ADCY9: variants seen among roughly 807,000 people sequenced by gnomAD.
ADCY9 encodes the protein adenylate cyclase 9.
In ADCY9, 50 loss-of-function variants were observed where a neutral mutation model predicts 101.5. That is an observed-to-expected ratio of 0.49 (90% CI 0.39 to 0.62). The LOEUF is 0.62. ADCY9 is among the 20% of genes least tolerant of loss of function. The probability of loss-of-function intolerance (pLI) is 0.00; values close to 1 mark genes in which losing one functional copy is unlikely to be tolerated. For missense variants in ADCY9, 1,662 were observed against 1,800.4 expected (o/e 0.92, Z 1.39); for synonymous variants, 905 against 769.3 (o/e 1.18, Z -2.92).
downstream of ADCY9, among the ~76,000 whole-genome samples, chr16:3,961,643 G>C (rs1249077977): frequency 6.6e-6 from 1 of 152,166 alleles, no homozygotes; most frequent in Non-Finnish European, 1.5e-5. Context: ...ACCCCCGCAA[G>C]TCCATGAGCA....
chr16:4,027,247 C>A (rs1046621672), intron 2 of ADCY9, among the ~76,000 whole-genome samples: 1 of 152,240 alleles, frequency 6.6e-6, no homozygotes, highest in African/African-American at 2.4e-5. Context: ...TAAATCTGTG[C>A]TTCCCTTGCT....
chr16:3,976,821 C>A (rs2056096396), intron 9 of ADCY9, among the ~76,000 whole-genome samples: 1 of 152,178 alleles, frequency 6.6e-6, no homozygotes, highest in South Asian at 2.1e-4. Flanking sequence ...CCATGCCTGA[C>A]TAATTTTTGT....
At chr16:4,068,453 T>C (rs578175567) in intron 2 of ADCY9, among the ~76,000 whole-genome samples, 2 of 152,320 alleles carry the variant, frequency 1.3e-5, no homozygotes, top group African/African-American at 4.8e-5. Flanking sequence ...ACCCACATTA[T>C]TAAACACGCT....
At chr16:3,984,514 A>C (rs924360136) in intron 6 of ADCY9, among the ~76,000 whole-genome samples, 18 of 152,304 alleles carry the variant, frequency 1.2e-4, no homozygotes, top group Non-Finnish European at 1.9e-4. Context: ...GGCACCCCAC[A>C]GGCAGGAACT....
At chr16:3,989,138 A>G (rs751067722) in intron 5 of ADCY9, 42 bp from the exon 6 acceptor site, 4 of 1,435,282 alleles carry the variant, frequency 2.8e-6, no homozygotes, top group African/African-American at 1.4e-5. Context: ...ACCCAGCACC[A>G]TAACTGTGCC....
In ADCY9 at chr16:4,024,049, G is replaced by C. The variant is rs375526940; in HGVS notation, c.1694-16491C>G. On this transcript the variant is annotated intron_variant, in intron 2 of 10. Coordinates refer to ENST00000294016, the MANE Select transcript of ADCY9 (RefSeq NM_001116.4). ...CTTTTTTTTTTTCTCTTGAGACTGA[G>C]TCTTGCTCTGTTGCCCAGGCTGGAG... 2.8e-4 allele frequency among the ~76,000 whole-genome samples: 42 copies of C among 151,702 alleles called. No homozygotes were observed. In the South Asian group the frequency reaches 8.8e-3, roughly 32 times the overall value.
chr16:4,030,150 C>T (rs1169988926), intron 2 of ADCY9, among the ~76,000 whole-genome samples: 1 of 152,162 alleles, frequency 6.6e-6, no homozygotes, highest in Non-Finnish European at 1.5e-5. Context: ...AATAATTCCC[C>T]TTCTAGACAT....
At chr16:3,957,274 C>T (rs1567408594) in intron 5 of ADCY9, among the ~76,000 whole-genome samples, 1 of 152,220 alleles carries the variant, frequency 6.6e-6, no homozygotes, top group Non-Finnish European at 1.5e-5. Context: ...GCCAACACTT[C>T]AATGGGGCAT....
At chr16:3,974,807 T>A in intron 9 of ADCY9, 97 bp from the exon 10 acceptor site, 1 of 1,003,406 alleles carries the variant, frequency 1.0e-6, no homozygotes, top group Non-Finnish European at 1.6e-6. Context: ...GTTCCTTTTT[T>A]AGACGTGGTT....
intron 2 of ADCY9, among the ~76,000 whole-genome samples, chr16:4,042,764 C>T (rs2056635858): frequency 6.6e-6 from 1 of 152,178 alleles, no homozygotes; most frequent in Non-Finnish European, 1.5e-5. Context: ...CTCTGTGTTC[C>T]AAGAGGTTTT....
intron 2 of ADCY9, among the ~76,000 whole-genome samples, chr16:4,014,102 T>A (rs1227706084): frequency 6.6e-6 from 1 of 152,170 alleles, no homozygotes; most frequent in Non-Finnish European, 1.5e-5. Context: ...GAGCATCAGT[T>A]GTGCTCAGGA....
intron 6 of ADCY9, chr16:3,983,793 T>C: frequency 4.0e-6 from 1 of 248,912 alleles, no homozygotes; most frequent in Non-Finnish European, 7.9e-6. Context: ...GGCATGGCAG[T>C]GCGTGAGTGT....
chr16:4,073,885 G>C (rs1010720398), intron 2 of ADCY9, among the ~76,000 whole-genome samples: 11 of 152,104 alleles, frequency 7.2e-5, no homozygotes, highest in African/African-American at 2.7e-4. Flanking sequence ...AAAGAAGAAA[G>C]ATTTTCAAAA....
At chr16:4,033,734 C>T (rs1567446601) in intron 2 of ADCY9, among the ~76,000 whole-genome samples, 2 of 152,130 alleles carry the variant, frequency 1.3e-5, no homozygotes, top group South Asian at 2.1e-4. Flanking sequence ...CTATGTTCTT[C>T]GTCAGTTCAT....
At chr16:4,070,663 A>C (rs1014191413) in intron 2 of ADCY9, among the ~76,000 whole-genome samples, 1 of 151,970 alleles carries the variant, frequency 6.6e-6, no homozygotes, top group Non-Finnish European at 1.5e-5. Context: ...AAAAAGAAAA[A>C]AGCGAAGTGC....
rs1442233832 is a variant in ADCY9 at position 4,019,015 on chromosome 16, AC to A, written c.1694-11458del. 8.6e-5 allele frequency among the ~76,000 whole-genome samples: 11 copies of A among 128,196 alleles called. 1 individual carries two copies. The highest frequency in any genetic ancestry group is 3.0e-4 in the African/African-American group (11 of 36,522). The allele number at this position is 128,196 out of a possible 152,430, so 84.1% of individuals were successfully genotyped here. On this transcript the variant is annotated intron_variant, in intron 2 of 10. Transcript: ENST00000294016. ...TTAAGAGAAAAGGTCTTTCTCTGTC[AC>A]CCAGGCTGCAGTGCAGTGGCATGAT...
At chr16:4,113,165 C>CT (rs148980633) in intron 2 of ADCY9, among the ~76,000 whole-genome samples, 128 of 146,690 alleles carry the variant, frequency 8.7e-4, no homozygotes, top group Admixed American at 1.5e-3. Flanking sequence ...AAAATGCAAA[C>CT]TTTTTTTAAA....
chr16:3,993,274 C>T, intron 4 of ADCY9, 132 bp downstream of exon 4: 1 of 1,455,770 alleles, frequency 6.9e-7, no homozygotes, highest in Non-Finnish European at 9.2e-7. Flanking sequence ...ACCCGGAGGA[C>T]CCGCGGGTGC....
chr16:4,023,824 C>A (rs541993616), intron 2 of ADCY9, among the ~76,000 whole-genome samples: 1 of 151,966 alleles, frequency 6.6e-6, no homozygotes, highest in Admixed American at 6.6e-5. Context: ...GCACGAGCAT[C>A]GCTTGAACCC....
Sources: allele counts gnomAD v4.1 joint callset (sites outside exome capture counted in the v4.1 genomes callset), GRCh38; gene constraint gnomAD v4.1.1; transcripts MANE v1.5; gene names NCBI Gene and HGNC (gene_info 2026-07-23, HGNC 2026-07-21).